SGCZ: variants seen among roughly 807,000 people sequenced by gnomAD.
The protein encoded by SGCZ is sarcoglycan zeta.
In SGCZ, 40 loss-of-function variants were observed where a neutral mutation model predicts 41.3. That is an observed-to-expected ratio of 0.97 (90% CI 0.75 to 1.26). The LOEUF is 1.26. SGCZ is among the 50% of genes most tolerant of loss of function. The pLI, the probability that SGCZ is intolerant of heterozygous loss-of-function variation, is 0.00. For synonymous variants in SGCZ, 206 were observed against 137.5 expected (o/e 1.50, Z -3.49); for missense variants, 552 against 369.8 (o/e 1.49, Z -4.04).
intron 2 of SGCZ, among the ~76,000 whole-genome samples, chr8:14,460,449 TG>T (rs1800869386): frequency 6.6e-6 from 1 of 152,166 alleles, no homozygotes. Context: ...CAGTTTTCAC[TG>T]GGTGTCAGTG....
intron 1 of SGCZ, among the ~76,000 whole-genome samples, chr8:15,135,851 G>C (rs1328159412): frequency 2.0e-5 from 3 of 152,180 alleles, no homozygotes; most frequent in Non-Finnish European, 4.4e-5. Context: ...TGCTCCTTGA[G>C]GAGCAGGGCT....
chr8:14,509,268 C>T (rs1167387597), intron 2 of SGCZ, among the ~76,000 whole-genome samples: 1 of 152,062 alleles, frequency 6.6e-6, no homozygotes, highest in East Asian at 1.9e-4. Context: ...TTCAAGCAAA[C>T]ATGTAGTCTG....
chr8:14,905,063 G>A (rs1376543833), intron 1 of SGCZ, among the ~76,000 whole-genome samples: 1 of 151,818 alleles, frequency 6.6e-6, no homozygotes, highest in Admixed American at 6.6e-5. Flanking sequence ...AATATTTCTT[G>A]ACACTACCCT....
chr8:14,995,317 T>C (rs1802177609), intron 1 of SGCZ, among the ~76,000 whole-genome samples: 1 of 152,222 alleles, frequency 6.6e-6, no homozygotes, highest in Admixed American at 6.5e-5. Context: ...GATGATGACC[T>C]GATCAAAGAT....
At chr8:14,960,768 C>T (rs1386711582) in intron 1 of SGCZ, among the ~76,000 whole-genome samples, 1 of 152,036 alleles carries the variant, frequency 6.6e-6, no homozygotes, top group East Asian at 1.9e-4. Flanking sequence ...CATCAAAGAG[C>T]AGTCATCATT....
At position 14,203,646 on chromosome 8, in the gene SGCZ, G is replaced by A. The variant is rs546725973; in HGVS notation, c.424+33946C>T. 2.6e-5 allele frequency among the ~76,000 whole-genome samples: 4 copies of A among 152,264 alleles called. No individual in the cohort carries two copies. In the South Asian group the frequency reaches 8.3e-4, roughly 32 times the overall value. ...TTGAATGAAGATGAATAGAGGTGAA[G>A]GTCACTGGAGGTGAGCACCACAATC... On this transcript the variant is annotated intron_variant, in intron 4 of 7. Transcript: ENST00000382080.
intron 5 of SGCZ, among the ~76,000 whole-genome samples, chr8:14,131,704 T>A (rs1803046313): frequency 6.6e-6 from 1 of 152,224 alleles, no homozygotes; most frequent in African/African-American, 2.4e-5. Context: ...AGGCCATTAT[T>A]TCTTCAAATA....
intron 1 of SGCZ, among the ~76,000 whole-genome samples, chr8:14,803,169 A>G (rs1001714459): frequency 6.6e-6 from 1 of 152,170 alleles, no homozygotes; most frequent in Non-Finnish European, 1.5e-5. Context: ...TGAATCATTT[A>G]TTTTTTAAAA....
intron 1 of SGCZ, among the ~76,000 whole-genome samples, chr8:14,926,249 T>A (rs926501634): frequency 3.1e-4 from 47 of 152,204 alleles, no homozygotes; most frequent in African/African-American, 1.1e-3. Flanking sequence ...GACAATTTTA[T>A]ATAAAATAAG....
intron 1 of SGCZ, among the ~76,000 whole-genome samples, chr8:14,751,257 A>G (rs1799490510): frequency 6.6e-6 from 1 of 152,218 alleles, no homozygotes; most frequent in Non-Finnish European, 1.5e-5. Flanking sequence ...TCAGCAAATG[A>G]TACATGTTCT....
chr8:14,454,706 G>T (rs940809294), intron 2 of SGCZ, among the ~76,000 whole-genome samples: 3 of 152,090 alleles, frequency 2.0e-5, no homozygotes, highest in Non-Finnish European at 4.4e-5. Context: ...GAAATAGAAT[G>T]GGAAGTCTCT....
intron 1 of SGCZ, among the ~76,000 whole-genome samples, chr8:14,746,814 T>A (rs1286660913): frequency 6.6e-6 from 1 of 152,310 alleles, no homozygotes; most frequent in South Asian, 2.1e-4. Flanking sequence ...AGATAAGTAG[T>A]CTCTTTTGAA....
intron 1 of SGCZ, among the ~76,000 whole-genome samples, chr8:15,147,503 C>G (rs1799067599): frequency 6.6e-6 from 1 of 152,176 alleles, no homozygotes; most frequent in Admixed American, 6.5e-5. Flanking sequence ...GTCTCGAACT[C>G]CTGACCTCAG....
At chr8:14,924,856 T>TA (rs1799698701) in intron 1 of SGCZ, among the ~76,000 whole-genome samples, 1 of 29,184 alleles carries the variant, frequency 3.4e-5, no homozygotes, top group East Asian at 4.8e-4. Flanking sequence ...AATTTAAGAC[T>TA]TTTTTTTTTT....
chr8:15,045,491 C>A (rs1804270380), intron 1 of SGCZ, among the ~76,000 whole-genome samples: 1 of 152,028 alleles, frequency 6.6e-6, no homozygotes, highest in Non-Finnish European at 1.5e-5. Flanking sequence ...AACCAAGTTG[C>A]TTTCCTTGGG....
intron 1 of SGCZ, among the ~76,000 whole-genome samples, chr8:14,638,597 G>A (rs1266159477): frequency 2.0e-5 from 3 of 151,782 alleles, no homozygotes; most frequent in Non-Finnish European, 4.4e-5. Flanking sequence ...GGCTGACCCA[G>A]TAAATCCTCT....
intron 1 of SGCZ, among the ~76,000 whole-genome samples, chr8:14,646,691 A>G (rs2117444528): frequency 6.6e-6 from 1 of 152,044 alleles, no homozygotes; most frequent in African/African-American, 2.4e-5. Flanking sequence ...ATTTTGTCTA[A>G]AAGTTGGTCT....
At chr8:14,413,126 TATC>T in intron 2 of SGCZ, among the ~76,000 whole-genome samples, 1 of 152,002 alleles carries the variant, frequency 6.6e-6, no homozygotes, top group Non-Finnish European at 1.5e-5. Context: ...TTAAACTTCT[TATC>T]AATATCTTTT....
At chr8:14,682,829 G>C (rs1808493090) in intron 1 of SGCZ, among the ~76,000 whole-genome samples, 1 of 152,146 alleles carries the variant, frequency 6.6e-6, no homozygotes, top group African/African-American at 2.4e-5. Context: ...GAATTTCAGT[G>C]ATCAAATCCA....
Sources: gnomAD v4.1 joint callset for allele counts (sites outside exome capture counted in the v4.1 genomes callset) on GRCh38, gnomAD v4.1.1 for gene constraint, MANE v1.5 for transcripts, NCBI Gene and HGNC (gene_info 2026-07-23, HGNC 2026-07-21) for gene names.